PDS5A: variants seen among roughly 807,000 people sequenced by gnomAD.
The protein encoded by PDS5A is PDS5 cohesin associated factor A, also known as sister chromatid cohesion protein PDS5 homolog A.
Under a neutral mutation model 167.1 loss-of-function variants are expected in PDS5A, and 42 were observed. That is an observed-to-expected ratio of 0.25 (90% CI 0.20 to 0.33). The LOEUF is 0.33. Ranked by LOEUF, PDS5A falls within the 10% of genes least tolerant of loss-of-function variation. PDS5A has a pLI of 1.00. For synonymous variants in PDS5A, 553 were observed against 554.6 expected, an observed-to-expected ratio of 1.00 and a Z score of 0.04; for missense variants, 1,033 against 1,605.9, an observed-to-expected ratio of 0.64 and a Z score of 6.10.
chr4:39,908,770 T>G, intron 10 of PDS5A: 1 of 461,968 alleles, frequency 2.2e-6, no homozygotes, highest in Non-Finnish European at 3.8e-6. Context: ...ACAACTGTAA[T>G]ACCAGCACTT....
chr4:39,956,677 CT>C (rs140722150), intron 2 of PDS5A, among the ~76,000 whole-genome samples: 212 of 145,010 alleles, frequency 1.5e-3, no homozygotes, highest in Non-Finnish European at 1.6e-3. Context: ...GATTTTCTTA[CT>C]TTTTTTTTTT....
At chr4:39,975,520 G>C (rs1254183716) in intron 2 of PDS5A, among the ~76,000 whole-genome samples, 2 of 152,168 alleles carry the variant, frequency 1.3e-5, no homozygotes, top group African/African-American at 4.8e-5. Flanking sequence ...ACTCTGAAAA[G>C]TTGTTAAATC....
chr4:39,838,995 A>T (rs972743079), intron 31 of PDS5A, among the ~76,000 whole-genome samples: 1 of 151,916 alleles, frequency 6.6e-6, no homozygotes, highest in African/African-American at 2.4e-5. Context: ...TCTTGGGGGG[A>T]AAAAAATTGC....
At chr4:39,926,105 T>C (rs963604275) in intron 4 of PDS5A, among the ~76,000 whole-genome samples, 172 bp from the exon 5 acceptor site, 1 of 152,252 alleles carries the variant, frequency 6.6e-6, no homozygotes, top group Non-Finnish European at 1.5e-5. Context: ...AAAAGATATA[T>C]ACCTGATGGC....
At chr4:39,956,047 G>C (rs1728894383) in intron 2 of PDS5A, among the ~76,000 whole-genome samples, 1 of 151,626 alleles carries the variant, frequency 6.6e-6, no homozygotes, top group Non-Finnish European at 1.5e-5. Context: ...GAACATGGGA[G>C]GCAGAGGTTG....
At chr4:39,867,763 C>CAA (rs1719653219) in intron 22 of PDS5A, among the ~76,000 whole-genome samples, 1 of 150,212 alleles carries the variant, frequency 6.7e-6, no homozygotes, top group African/African-American at 2.5e-5. Flanking sequence ...CACACACACA[C>CAA]ACACACACAC....
chr4:39,832,111 C>G (rs537045421), intron 32 of PDS5A, among the ~76,000 whole-genome samples: 8 of 151,702 alleles, frequency 5.3e-5, no homozygotes, highest in Non-Finnish European at 1.2e-4. Context: ...GAGCAAGACT[C>G]CATTTCAAAA....
chr4:39,897,201 C>T (rs1300701611), intron 16 of PDS5A, among the ~76,000 whole-genome samples: 2 of 151,956 alleles, frequency 1.3e-5, no homozygotes, highest in Non-Finnish European at 2.9e-5. Flanking sequence ...CAAGATCAGC[C>T]TGGCCAACAT....
intron 26 of PDS5A, among the ~76,000 whole-genome samples, chr4:39,859,202 T>C (rs979946798): frequency 2.0e-5 from 3 of 152,170 alleles, no homozygotes; most frequent in Admixed American, 2.0e-4. Context: ...TTTACCACAA[T>C]TAACAAAAAA....
intron 23 of PDS5A, among the ~76,000 whole-genome samples, chr4:39,864,777 T>C (rs981702669): frequency 7.9e-5 from 12 of 152,230 alleles, no homozygotes; most frequent in South Asian, 4.1e-4. Flanking sequence ...AAACACTTTA[T>C]AGGCTTTATC....
At chr4:39,974,165 A>C (rs1730851865) in intron 2 of PDS5A, 1 of 574,732 alleles carries the variant, frequency 1.7e-6, no homozygotes, top group South Asian at 1.4e-5. Context: ...TCCTAGCCAA[A>C]CTGCTCTACT....
intron 10 of PDS5A, among the ~76,000 whole-genome samples, chr4:39,909,845 A>C (rs1309414080): frequency 6.6e-6 from 1 of 152,218 alleles, no homozygotes; most frequent in Non-Finnish European, 1.5e-5. Flanking sequence ...CACTATATTT[A>C]ATTAAATAGA....
chr4:39,892,023 G>T (rs576907190), intron 16 of PDS5A, among the ~76,000 whole-genome samples: 25 of 152,232 alleles, frequency 1.6e-4, no homozygotes, highest in African/African-American at 4.6e-4. Flanking sequence ...AGGTGGGGGG[G>T]ATCACTTGAG....
intron 26 of PDS5A, among the ~76,000 whole-genome samples, chr4:39,850,494 C>T (rs1718033599): frequency 6.6e-6 from 1 of 151,964 alleles, no homozygotes; most frequent in Admixed American, 6.6e-5. Context: ...ACAGATTCAC[C>T]CTATAGGTAA....
intron 2 of PDS5A, among the ~76,000 whole-genome samples, chr4:39,946,064 G>A (rs572378388): frequency 1.5e-4 from 23 of 151,878 alleles, no homozygotes; most frequent in Admixed American, 1.5e-3. Flanking sequence ...AAAATTAGCT[G>A]GGCATGGTGG....
chr4:39,944,694 C>CAA (rs373241104), intron 2 of PDS5A, among the ~76,000 whole-genome samples: 9,387 of 85,508 alleles, frequency 0.11, 582 homozygotes, highest in East Asian at 0.34. Flanking sequence ...AACTCCATCT[C>CAA]AAAAAAAAAA....
chr4:39,957,209 A>C (rs1729004112), intron 2 of PDS5A, among the ~76,000 whole-genome samples: 1 of 152,150 alleles, frequency 6.6e-6, no homozygotes, highest in African/African-American at 2.4e-5. Context: ...TATTAAACTT[A>C]ACAAAATAAA....
At chr4:39,947,598 T>C (rs57613344) in intron 2 of PDS5A, among the ~76,000 whole-genome samples, 3,753 of 152,254 alleles carry the variant, frequency 0.025, 156 homozygotes, top group East Asian at 0.18. Context: ...ACACTAATGA[T>C]AGCTAATAAC....
intron 2 of PDS5A, among the ~76,000 whole-genome samples, chr4:39,962,577 G>A (rs770678535): frequency 1.3e-5 from 2 of 151,104 alleles, no homozygotes; most frequent in African/African-American, 2.4e-5. Flanking sequence ...AGGCCGAGGC[G>A]AGCAGATCAC....
Sources: gnomAD v4.1 joint callset for allele counts (sites outside exome capture counted in the v4.1 genomes callset) on GRCh38, gnomAD v4.1.1 for gene constraint, MANE v1.5 for transcripts, NCBI Gene and HGNC (gene_info 2026-07-23, HGNC 2026-07-21) for gene names.